Variants in FMNL1 observed in about 807,000 individuals in gnomAD.
FMNL1 encodes the protein formin like 1.
Under a neutral mutation model 121.3 loss-of-function variants are expected in FMNL1, and 43 were observed. The ratio of observed to expected loss-of-function variants is 0.35; its 90% CI spans 0.28 to 0.46. The LOEUF (loss-of-function observed/expected upper bound fraction) is 0.46. Ranked by LOEUF, FMNL1 falls within the 20% of genes least tolerant of loss-of-function variation. The pLI is 1.00. For missense variants in FMNL1, 1,191 were observed against 1,482.4 expected (o/e 0.80, Z 3.23); for synonymous variants, 613 against 613.5 (o/e 1.00, Z 0.01).
intron 3 of FMNL1, chr17:45,232,733 T>C (rs578091841): frequency 1.9e-3 from 1,130 of 607,948 alleles, no homozygotes; most frequent in Admixed American, 2.0e-3. Context: ...TGTATACACA[T>C]GTGCAGCCCA....
chr17:45,233,499 G>T lies in FMNL1; in HGVS notation c.402-149G>T. 9.7e-7 allele frequency: 1 copy of T among 1,036,038 alleles called. No individual in the cohort carries two copies. The highest frequency in any genetic ancestry group is 2.6e-5 in the East Asian group (1 of 39,022). 64.2% of individuals were successfully genotyped at this position (1,036,038 alleles called of 1,614,324 possible). Reference sequence around the variant, plus strand: ...ACCTTGAGGCATGGCTGGGCTGTGGGACCCACCTGAGTCTCCCAGAATCCT... The same window carrying T: ...ACCTTGAGGCATGGCTGGGCTGTGGTACCCACCTGAGTCTCCCAGAATCCT... On this transcript the variant is annotated intron_variant, in intron 4 of 26. Coordinates refer to ENST00000331495, the MANE Select transcript of FMNL1 (RefSeq NM_005892.4). This position sits in a 1 kb window ranked among gnomAD's most constrained non-coding sequence, Gnocchi z 4.1.
chr17:45,234,254 C>G, intron 6 of FMNL1, 54 bp downstream of exon 6: 1 of 1,612,744 alleles, frequency 6.2e-7, no homozygotes, highest in Non-Finnish European at 8.5e-7. Flanking sequence ...AGCCCCCACA[C>G]TGCTGCATCT....
At position 45,242,095 on chromosome 17, in the gene FMNL1, C is replaced by T. The variant is rs1266952635; in HGVS notation, c.1834C>T (p.Pro612Ser). ...PPPPPPPPPP[P>S]GGPPDALGRR... is the part of the protein sequence containing the mutation. Reference sequence around the variant, plus strand: ...GCCGCCGCCGCCGCCGCCGCCGCCTCCCGGAGGTCCTCCTGATGCCCTAGG... The same window carrying T: ...GCCGCCGCCGCCGCCGCCGCCGCCTTCCGGAGGTCCTCCTGATGCCCTAGG... Residue 612 changes from proline (P) to serine (S), a missense_variant, in exon 15 of 27, where the codon CCC becomes TCC. Physicochemically the swap from Pro to Ser is moderately conservative, Grantham distance 74. This residue lies in a region of FMNL1 where 519 missense variants were observed against 492.8 expected (regional missense o/e 1.05). Coordinates refer to ENST00000331495, the MANE Select transcript of FMNL1 (RefSeq NM_005892.4). 3.3e-6 allele frequency: 5 copies of T among 1,531,530 alleles called. No homozygotes were observed. The highest frequency in any genetic ancestry group is 4.4e-6 in the Non-Finnish European group (5 of 1,142,308). The allele number at this position is 1,531,530 out of a possible 1,614,324, so 94.9% of individuals were successfully genotyped here. A position where few individuals can be genotyped will look rare whatever the true frequency, so the allele number is the denominator to read the frequency against.
chr17:45,241,281 G>C lies in FMNL1; in HGVS notation c.1332+51G>C. Reference sequence around the variant, plus strand: ...AGGCGCCCAAGAACAGGCCAGCTGAGGCTTCTAGGCTTGACATCTCCCTCC... The same window carrying C: ...AGGCGCCCAAGAACAGGCCAGCTGACGCTTCTAGGCTTGACATCTCCCTCC... On this transcript the variant is annotated intron_variant, in intron 13 of 26. Coordinates refer to ENST00000331495, the MANE Select transcript of FMNL1 (RefSeq NM_005892.4). The surrounding 1 kb of genome is among the most constrained non-coding windows in gnomAD (Gnocchi z 7.0). The C allele has an allele frequency of 6.2e-7, 1 of 1,612,068 alleles. No homozygotes were observed.
In FMNL1 at chr17:45,237,227, C is replaced by T; in HGVS notation, c.724-54C>T. 1.3e-6 allele frequency: 2 copies of T among 1,561,704 alleles called. No individual in the cohort carries two copies. The highest frequency in any genetic ancestry group is 1.8e-6 in the Non-Finnish European group (2 of 1,133,370). On this transcript the variant is annotated intron_variant, in intron 7 of 26. Coordinates refer to ENST00000331495, the MANE Select transcript of FMNL1 (RefSeq NM_005892.4). The surrounding 1 kb of genome is among the most constrained non-coding windows in gnomAD (Gnocchi z 4.4). ...GTTAAAGATCCACGTGGCGTGGGTG[C>T]CTGAAGTCCTGGGGGGCCCTTCCTG...
rs778720865 is a variant in FMNL1 at position 45,243,845 on chromosome 17, G to T, written c.2268G>T (p.Leu756=). 1.9e-6 allele frequency: 3 copies of T among 1,613,578 alleles called. No homozygotes were observed. The highest frequency in any genetic ancestry group is 2.5e-6 in the Non-Finnish European group (3 of 1,179,906). The change falls in exon 18 of 27, where the codon CTG becomes CTT. Residue 756 remains leucine (L), a synonymous_variant. Transcript: ENST00000331495. ...TCCTGGAGCTGCTGATGCGCTTCCT[G>T]CCCACAGAGTATGAGCGCAGCCTCA... The part of the protein sequence containing the change: ...LDFLELLMRF[L]PTEYERSLIT...
Position 45,233,878 on chromosome 17 carries a change from TC to T in FMNL1, c.485+149del. 1.5e-6 allele frequency: 2 copies of T among 1,339,778 alleles called. No homozygotes were observed. The highest frequency in any genetic ancestry group is 1.0e-6 in the Non-Finnish European group (1 of 988,626). The allele number at this position is 1,339,778 out of a possible 1,614,324, so 83.0% of individuals were successfully genotyped here. The stretch of plus-strand genomic sequence containing the variant: ...CCACTTGGCCTTGAGCGATGCTCCT[TC>T]CAGAAGGCCTGCCCCCGACAGGGAG... On this transcript the variant is annotated intron_variant, in intron 5 of 26. Transcript: ENST00000331495. This position sits in a 1 kb window ranked among gnomAD's most constrained non-coding sequence, Gnocchi z 4.1.
intron 3 of FMNL1, 78 bp downstream of exon 3, chr17:45,232,558 C>A: frequency 7.4e-7 from 1 of 1,348,622 alleles, no homozygotes; most frequent in East Asian, 2.4e-5. Flanking sequence ...ACTGTGTGTA[C>A]AGACTTTTCT....
At position 45,241,579 on chromosome 17, in the gene FMNL1, T is replaced by C; in HGVS notation, c.1530T>C (p.Thr510=). The change falls in exon 14 of 27, where the codon ACT becomes ACC. Residue 510 remains threonine, a synonymous_variant. Transcript: ENST00000331495. This position sits in a 1 kb window ranked among gnomAD's most constrained non-coding sequence, Gnocchi z 7.0. ...AGATCCTCCCCGTCGCTGTGGCAAC[T>C]CCGAGCGGCGGTGATGCTCCGACTC... The part of the protein sequence containing the change: ...SIEILPVAVA[T]PSGGDAPTPG... 1 of 1,562,878 alleles carries C rather than the reference T, an allele frequency of 6.4e-7. No individual in the cohort carries two copies. The highest frequency in any genetic ancestry group is 8.7e-7 in the Non-Finnish European group (1 of 1,153,240).
intron 7 of FMNL1, 43 bp downstream of exon 7, chr17:45,236,287 T>G (rs1373749191): frequency 6.6e-7 from 1 of 1,525,098 alleles, no homozygotes; most frequent in Admixed American, 1.7e-5. Context: ...GAGCCCAGCC[T>G]GTCCTCACTG....
chr17:45,240,059 G>A (rs902461133), intron 11 of FMNL1, among the ~76,000 whole-genome samples: 1 of 152,224 alleles, frequency 6.6e-6, no homozygotes, highest in African/African-American at 2.4e-5. Context: ...CCACAGTGCT[G>A]GGATTACAGG....
chr17:45,222,607 CG>C (rs2043251212), intron 1 of FMNL1, among the ~76,000 whole-genome samples: 1 of 152,136 alleles, frequency 6.6e-6, no homozygotes, highest in Non-Finnish European at 1.5e-5. Flanking sequence ...CCACCGGGCG[CG>C]GGTCTGGGGC....
chr17:45,243,405 C>T (rs1187818388), intron 17 of FMNL1, 85 bp downstream of exon 17: 2 of 1,442,072 alleles, frequency 1.4e-6, no homozygotes, highest in Non-Finnish European at 1.9e-6. Flanking sequence ...AAAAGAGCCT[C>T]AATGGTGAGC....
rs773017129 is a variant in FMNL1 at position 45,243,791 on chromosome 17, G to A, written c.2214G>A (p.Ala738=). 61 of 1,608,518 alleles carry A rather than the reference G, an allele frequency of 3.8e-5. No individual in the cohort carries two copies. The highest frequency in any genetic ancestry group is 8.3e-5 in the Admixed American group (5 of 59,888). ...ATCTCCCCTCTCCTCCCTCTCACAG[G>A]TACGACCTGCAGGCTCTGGGCCTGG... The part of the protein sequence containing the change: ...GAERICQAIE[A]YDLQALGLDF... Residue 738 remains alanine, a splice_region_variant and synonymous_variant, in exon 18 of 27, where the codon GCG becomes GCA. Transcript: ENST00000331495.
Position 45,237,151 on chromosome 17 carries a change from TG to T in FMNL1, c.724-128del. 1 of 736,752 alleles carries T rather than the reference TG, an allele frequency of 1.4e-6. No individual in the cohort carries two copies. Among genetic ancestry groups the T allele is most frequent in the Non-Finnish European group, 2.3e-6 (1 of 443,192 alleles). The allele number at this position is 736,752 out of a possible 1,614,324, so 45.6% of individuals were successfully genotyped here. ...AAATAGAAACAAGGCCAGGTTTTGG[TG>T]GCCACAGAAGTTGCGGTTGGATACA... On this transcript the variant is annotated intron_variant, in intron 7 of 26. Coordinates refer to ENST00000331495, the MANE Select transcript of FMNL1 (RefSeq NM_005892.4). This position sits in a 1 kb window ranked among gnomAD's most constrained non-coding sequence, Gnocchi z 4.4.
Position 45,236,252 on chromosome 17 carries a change from G to T in FMNL1, c.723+8G>T, listed in dbSNP as rs182196971. On this transcript the variant is annotated splice_region_variant and intron_variant, in intron 7 of 26. Transcript: ENST00000331495. ...GCCATCATGAACTACCAGGTCAGCCGAGGGGCATGGGACTGGCGACTAGGG... is the reference window on the plus strand; with the variant it reads ...GCCATCATGAACTACCAGGTCAGCCTAGGGGCATGGGACTGGCGACTAGGG... 8.7e-6 allele frequency: 14 copies of T among 1,611,948 alleles called. No homozygotes were observed. The highest frequency in any genetic ancestry group is 1.2e-5 in the Non-Finnish European group (14 of 1,178,728).
chr17:45,241,741 T>C lies in FMNL1; in HGVS notation c.1586-106T>C, dbSNP rs536846253. The C allele has an allele frequency of 2.5e-5, 36 of 1,431,058 alleles. 1 individual carries two copies. In the South Asian group the frequency reaches 4.9e-4, roughly 19 times the overall value. 88.6% of individuals were successfully genotyped at this position (1,431,058 alleles called of 1,614,324 possible). A position where few individuals can be genotyped will look rare whatever the true frequency, so the allele number is the denominator to read the frequency against. ...GGCGAGGGAGGTTTGGATTGTAGGC[T>C]CGGCTCAGGTAGGAGCGCATGCGTA... On this transcript the variant is annotated intron_variant, in intron 14 of 26. Transcript: ENST00000331495. The surrounding 1 kb of genome is among the most constrained non-coding windows in gnomAD (Gnocchi z 7.0).
rs150643495 is a variant in FMNL1, at chr17:45,245,274, C to T, written c.2750C>T (p.Ala917Val). The T allele has an allele frequency of 6.9e-5, 112 of 1,614,042 alleles. 1 individual carries two copies. The highest frequency in any genetic ancestry group is 1.6e-4 in the Middle Eastern group (1 of 6,084). Residue 917 changes from alanine to valine, a missense_variant, in exon 22 of 27, where the codon GCG becomes GTG. Transcript: ENST00000331495. ...AGSVSLDSVL[A>V]DVRSLQRGLE... ...CCAGTGTCCCTGGACAGTGTCCTGG[C>T]GGACGTGCGCTCCCTGCAGCGAGGC...
chr17:45,232,599 G>C (rs147630418), intron 3 of FMNL1, 119 bp downstream of exon 3: 1 of 887,866 alleles, frequency 1.1e-6, no homozygotes, highest in Non-Finnish European at 1.8e-6. Context: ...GTATGAGTGT[G>C]TGTGTGTGTT....
Sources: gnomAD v4.1 joint callset for allele counts (sites outside exome capture counted in the v4.1 genomes callset) on GRCh38, gnomAD v4.1.1 for gene constraint, gnomAD v4.1.1 regional missense constraint, Gnocchi (gnomAD v3.1) non-coding constraint, MANE v1.5 for transcripts, NCBI Gene and HGNC (gene_info 2026-07-23, HGNC 2026-07-21) for gene names.